Variants in LCLAT1 observed in about 807,000 individuals in gnomAD.
The protein encoded by LCLAT1 is lysocardiolipin acyltransferase 1, also known as 1-AGP acyltransferase 8.
LCLAT1 carries 11 observed loss-of-function variants against 30.7 expected under a neutral mutation model. The ratio of observed to expected loss-of-function variants is 0.36; its 90% CI spans 0.23 to 0.59. LCLAT1 has a LOEUF of 0.59. Among genes scored for constraint, LCLAT1 ranks in the 20% least tolerant of loss-of-function variants. The probability of loss-of-function intolerance (pLI) is 0.77; values close to 1 mark genes in which losing one functional copy is unlikely to be tolerated. For synonymous variants in LCLAT1, 155 were observed against 151.3 expected (o/e 1.02, Z -0.18); for missense variants, 402 against 458.6 (o/e 0.88, Z 1.13).
intron 1 of LCLAT1, among the ~76,000 whole-genome samples, chr2:30,511,711 A>G (rs990871186): frequency 3.3e-5 from 5 of 152,202 alleles, no homozygotes; most frequent in Non-Finnish European, 7.3e-5. Context: ...TAGAGTGGTG[A>G]CCATGCCCTA....
chr2:30,478,945 T>C (rs578061326), intron 1 of LCLAT1, among the ~76,000 whole-genome samples: 2 of 152,210 alleles, frequency 1.3e-5, no homozygotes, highest in Non-Finnish European at 2.9e-5. Context: ...GCCCAATTGC[T>C]GTGTTTCTTT....
intron 3 of LCLAT1, among the ~76,000 whole-genome samples, chr2:30,555,433 A>G (rs1664870597): frequency 6.6e-6 from 1 of 152,208 alleles, no homozygotes; most frequent in Non-Finnish European, 1.5e-5. Context: ...CTAAATAATA[A>G]TAAATGTTTC....
intron 1 of LCLAT1, among the ~76,000 whole-genome samples, chr2:30,517,954 C>G (rs573992429): frequency 3.9e-5 from 6 of 152,146 alleles, no homozygotes; most frequent in East Asian, 1.9e-4. Context: ...ACTGACAACC[C>G]GTAGCCTTCC....
rs943451333 is a variant in LCLAT1, at chr2:30,593,061, C to T, written c.628+24885C>T. 4.6e-5 allele frequency among the ~76,000 whole-genome samples: 7 copies of T among 152,250 alleles called. No individual in the cohort carries two copies. In the South Asian group the frequency reaches 6.2e-4, roughly 14 times the overall value. On this transcript the variant is annotated intron_variant, in intron 5 of 5. Transcript: ENST00000379509. ...TTAACCAACTTCTCTACATCCCTCC[C>T]GACTTTCCCCTTCCCTTGCCAGCCT...
rs530971424 is a variant in LCLAT1, at chr2:30,546,207, G to T, written c.364+12893G>T. On this transcript the variant is annotated intron_variant, in intron 3 of 5. Coordinates refer to ENST00000379509, the MANE Select transcript of LCLAT1 (RefSeq NM_001002257.3). ...TACGAAGACTGTTATTGGATATGTA[G>T]AAGTTCCTGTAGTGGGCTGCTTTCA... Among the ~76,000 whole-genome samples the T allele has an allele frequency of 2.0e-5, 3 of 152,260 alleles. No homozygotes were observed. In the South Asian group the frequency reaches 6.2e-4, roughly 32 times the overall value.
intron 1 of LCLAT1, among the ~76,000 whole-genome samples, chr2:30,517,675 C>A (rs921489703): frequency 6.6e-6 from 1 of 151,920 alleles, no homozygotes; most frequent in African/African-American, 2.4e-5. Flanking sequence ...CTGCTGTGTT[C>A]CCAAAATCCA....
intron 1 of LCLAT1, among the ~76,000 whole-genome samples, chr2:30,521,688 G>A (rs1284405182): frequency 6.6e-6 from 1 of 151,374 alleles, no homozygotes; most frequent in Non-Finnish European, 1.5e-5. Flanking sequence ...TGTATTTTTA[G>A]TAGAGATGGG....
At chr2:30,606,248 A>G in intron 5 of LCLAT1, 2 of 321,158 alleles carry the variant, frequency 6.2e-6, no homozygotes, top group South Asian at 2.4e-5. Context: ...CTTAAAATTC[A>G]TATGGAACCA....
intron 5 of LCLAT1, among the ~76,000 whole-genome samples, chr2:30,568,383 C>A (rs1050521243): frequency 1.1e-4 from 17 of 151,580 alleles, no homozygotes; most frequent in African/African-American, 3.1e-4. Context: ...GTAAAAAATT[C>A]TTTCCCCTTT....
chr2:30,603,807 G>A lies in LCLAT1; in HGVS notation c.628+35631G>A, dbSNP rs867006554. Among the ~76,000 whole-genome samples the A allele has an allele frequency of 7.2e-5, 11 of 152,236 alleles. 1 individual carries two copies. In the South Asian group the frequency reaches 2.3e-3, roughly 32 times the overall value. ...GTTCCAGGAAGAATGGCCCCAAGAT[G>A]ATGAAAGCAATAGATCATCTGACAT... On this transcript the variant is annotated intron_variant, in intron 5 of 5. Coordinates refer to ENST00000379509, the MANE Select transcript of LCLAT1 (RefSeq NM_001002257.3).
chr2:30,556,609 G>C (rs1236011366), intron 3 of LCLAT1, among the ~76,000 whole-genome samples: 1 of 152,118 alleles, frequency 6.6e-6, no homozygotes, highest in Non-Finnish European at 1.5e-5. Flanking sequence ...AATGATAACA[G>C]GTTATTAGAT....
chr2:30,515,317 C>T (rs1033001918), intron 1 of LCLAT1, among the ~76,000 whole-genome samples: 3 of 152,308 alleles, frequency 2.0e-5, no homozygotes, highest in African/African-American at 7.2e-5. Context: ...CATTTATTTT[C>T]GTACTTAGCT....
At chr2:30,500,498 C>T (rs1246800448) in intron 1 of LCLAT1, among the ~76,000 whole-genome samples, 6 of 152,192 alleles carry the variant, frequency 3.9e-5, no homozygotes, top group African/African-American at 1.2e-4. Context: ...TCTTTGGCTG[C>T]TGCTGAATTA....
At chr2:30,540,906 G>A (rs866079730) in intron 3 of LCLAT1, among the ~76,000 whole-genome samples, 7 of 151,462 alleles carry the variant, frequency 4.6e-5, no homozygotes, top group Middle Eastern at 3.2e-3. Flanking sequence ...CTCATGATTC[G>A]CCTGCCTTAG....
At chr2:30,629,070 G>A (rs1467238389) in intron 5 of LCLAT1, among the ~76,000 whole-genome samples, 1 of 152,124 alleles carries the variant, frequency 6.6e-6, no homozygotes, top group Non-Finnish European at 1.5e-5. Context: ...AGAAAATGAA[G>A]CTGCATTTAC....
chr2:30,461,840 G>A (rs1259049706), intron 1 of LCLAT1, among the ~76,000 whole-genome samples: 1 of 144,200 alleles, frequency 6.9e-6, no homozygotes, highest in African/African-American at 2.6e-5. Context: ...GCGCGATCTC[G>A]GCTCACTGCA....
At chr2:30,456,143 G>C (rs533566550) in intron 1 of LCLAT1, among the ~76,000 whole-genome samples, 1 of 152,272 alleles carries the variant, frequency 6.6e-6, no homozygotes, top group Non-Finnish European at 1.5e-5. Flanking sequence ...TGCTTTTGAG[G>C]AACTGATCCA....
At chr2:30,575,196 C>A (rs17009810) in intron 5 of LCLAT1, among the ~76,000 whole-genome samples, 11,943 of 152,040 alleles carry the variant, frequency 0.079, 914 homozygotes, top group African/African-American at 0.2. Flanking sequence ...TTGGAGTTCC[C>A]TCTTCTTATT....
At chr2:30,500,643 T>C (rs1272201806) in intron 1 of LCLAT1, among the ~76,000 whole-genome samples, 1 of 152,206 alleles carries the variant, frequency 6.6e-6, no homozygotes, top group Non-Finnish European at 1.5e-5. Flanking sequence ...ATACATTTCA[T>C]GAGTCATTGT....
Sources: allele counts gnomAD v4.1 joint callset (sites outside exome capture counted in the v4.1 genomes callset), GRCh38; gene constraint gnomAD v4.1.1; transcripts MANE v1.5; gene names NCBI Gene and HGNC (gene_info 2026-07-23, HGNC 2026-07-21).